Variants in ZHX1 observed in about 807,000 individuals in gnomAD.
ZHX1 encodes the protein zinc fingers and homeoboxes protein 1.
ZHX1 carries 20 observed loss-of-function variants against 61.8 expected under a neutral mutation model. The ratio of observed to expected loss-of-function variants is 0.32; its 90% CI spans 0.23 to 0.47. ZHX1 has a LOEUF of 0.47. Ranked by LOEUF, ZHX1 falls within the 20% of genes least tolerant of loss-of-function variation. The probability of loss-of-function intolerance (pLI) is 1.00; values close to 1 mark genes in which losing one functional copy is unlikely to be tolerated. For missense variants in ZHX1, 800 were observed against 1,034.8 expected, an observed-to-expected ratio of 0.77 and a Z score of 3.11; for synonymous variants, 318 against 352.6, an observed-to-expected ratio of 0.90 and a Z score of 1.10.
chr8:123,268,309 AG>A (rs1826533563), intron 1 of ZHX1, among the ~76,000 whole-genome samples: 1 of 152,220 alleles, frequency 6.6e-6, no homozygotes, highest in Non-Finnish European at 1.5e-5. Context: ...TGCACTGTGA[AG>A]TATTAACATC....
At chr8:123,274,846 T>C (rs563283925), upstream of ZHX1, among the ~76,000 whole-genome samples, 2 of 152,132 alleles carry the variant, frequency 1.3e-5, no homozygotes, top group East Asian at 3.9e-4. Context: ...TGCTGGCTTC[T>C]ACTGAAACGC....
chr8:123,270,579 G>C (rs1431174733), intron 1 of ZHX1, among the ~76,000 whole-genome samples: 1 of 151,656 alleles, frequency 6.6e-6, no homozygotes. Flanking sequence ...CCAGGAGTTT[G>C]AGACCAGCTA....
Position 123,267,281 on chromosome 8 carries a change from G to C in ZHX1, c.-234C>G. On this transcript the variant is annotated 5_prime_UTR_variant, in exon 2 of 4. Coordinates refer to ENST00000395571, the MANE Select transcript of ZHX1 (RefSeq NM_007222.5). ...AACAATGAAACACATACTTGCCACA[G>C]CTTCCTTAGCATTCTGTTCTTTGAA... 2.0e-6 allele frequency: 3 copies of C among 1,531,816 alleles called. No individual in the cohort carries two copies. Among genetic ancestry groups the C allele is most frequent in the Non-Finnish European group, 2.6e-6 (3 of 1,144,050 alleles). The allele number at this position is 1,531,816 out of a possible 1,614,324, so 94.9% of individuals were successfully genotyped here. A position where few individuals can be genotyped will look rare whatever the true frequency, so the allele number is the denominator to read the frequency against.
At chr8:123,257,380 T>C (rs1826103665) in intron 2 of ZHX1, among the ~76,000 whole-genome samples, 1 of 152,180 alleles carries the variant, frequency 6.6e-6, no homozygotes, top group Non-Finnish European at 1.5e-5. Context: ...CTAACCTCAC[T>C]TTCCTTCCTC....
chr8:123,253,340 A>G lies in ZHX1; in HGVS notation c.2607T>C (p.Ser869=), dbSNP rs1459038668. ...EPPRHVKRKL[S]KSDD ...AACTTACATTTCAGTCATCTGATTTAGACAGCTTCCGTTTCACATGTCGTG... is the reference window on the plus strand; with the variant it reads ...AACTTACATTTCAGTCATCTGATTTGGACAGCTTCCGTTTCACATGTCGTG... Residue 869 remains serine, a synonymous_variant, in exon 3 of 4, where the codon TCT becomes TCC. Transcript: ENST00000395571. 1 of 1,608,638 alleles carries G rather than the reference A, an allele frequency of 6.2e-7. No individual in the cohort carries two copies. Among genetic ancestry groups the G allele is most frequent in the Non-Finnish European group, 8.5e-7 (1 of 1,178,714 alleles).
intron 1 of ZHX1, among the ~76,000 whole-genome samples, chr8:123,270,781 G>A (rs1288960709): frequency 6.7e-5 from 9 of 134,736 alleles, no homozygotes; most frequent in South Asian, 2.3e-4. Flanking sequence ...ATGAGACCCC[G>A]TCTCAAAAAA....
At position 123,255,201 on chromosome 8, in the gene ZHX1, G is replaced by A. The variant is rs150942935; in HGVS notation, c.746C>T (p.Thr249Met). Residue 249 changes from threonine to methionine, a missense_variant, in exon 3 of 4, where the codon ACG becomes ATG. Thr to Met is a moderately conservative substitution (Grantham distance 81). Transcript: ENST00000395571. ...VNRIHPSTAS[T>M]VVTPAAVLPG... ...AAGAACTGCTGCTGGTGTCACTACC[G>A]TGCTGGCAGTACTTGGATGTATTCT... 1.3e-4 allele frequency: 209 copies of A among 1,614,134 alleles called. No individual in the cohort carries two copies. The highest frequency in any genetic ancestry group is 4.6e-4 in the South Asian group (42 of 91,082).
At position 123,249,926 on chromosome 8, in the gene ZHX1, G is replaced by A. The variant is rs1160181540; in HGVS notation, c.*398C>T. On this transcript the variant is annotated 3_prime_UTR_variant, in exon 4 of 4. Coordinates refer to ENST00000395571, the MANE Select transcript of ZHX1 (RefSeq NM_007222.5). Reference sequence around the variant, plus strand: ...GTTCTAAGCTTAATCACATCTCAAAGAATAGAGGCAATATATAGCCCATCT... The same window carrying A: ...GTTCTAAGCTTAATCACATCTCAAAAAATAGAGGCAATATATAGCCCATCT... 2 of 134,776 alleles carry A rather than the reference G, an allele frequency of 1.5e-5. No homozygotes were observed. The highest frequency in any genetic ancestry group is 1.5e-5 in the Non-Finnish European group (1 of 65,258). The allele number at this position is 134,776 out of a possible 1,614,324, so 8.3% of individuals were successfully genotyped here.
Position 123,253,757 on chromosome 8 carries a change from A to C in ZHX1, c.2190T>G (p.Asn730Lys). The change falls in exon 3 of 4, where the codon AAT becomes AAG. Residue 730 changes from asparagine to lysine, a missense_variant. Coordinates refer to ENST00000395571, the MANE Select transcript of ZHX1 (RefSeq NM_007222.5). ...LKWYYYYQSA[N>K]SSSMNGLSSL... ...AAGACAGACCATTCATACTACTTGA[A>C]TTGGCGCTCTGATAGTAGTAGTACC... 2 of 1,614,212 alleles carry C rather than the reference A, an allele frequency of 1.2e-6. No homozygotes were observed. The highest frequency in any genetic ancestry group is 1.7e-6 in the Non-Finnish European group (2 of 1,180,034).
In ZHX1 at chr8:123,248,947, T is replaced by G. The variant is rs553402330; in HGVS notation, c.*1377A>C. 6.6e-6 allele frequency: 1 copy of G among 152,530 alleles called. No homozygotes were observed. Among genetic ancestry groups the G allele is most frequent in the Non-Finnish European group, 1.5e-5 (1 of 68,008 alleles). 9.4% of individuals were successfully genotyped at this position (152,530 alleles called of 1,614,324 possible). On this transcript the variant is annotated 3_prime_UTR_variant, in exon 4 of 4. Coordinates refer to ENST00000395571, the MANE Select transcript of ZHX1 (RefSeq NM_007222.5). ...TCAGCTACATTGCAGCATTTTGGAATTACTAATAAAGCTATAGTTAAAAAA... is the reference window on the plus strand; with the variant it reads ...TCAGCTACATTGCAGCATTTTGGAAGTACTAATAAAGCTATAGTTAAAAAA...
Position 123,253,779 on chromosome 8 carries a change from T to C in ZHX1, c.2168A>G (p.Tyr723Cys), listed in dbSNP as rs752495337. 1.9e-6 allele frequency: 3 copies of C among 1,614,232 alleles called. No individual in the cohort carries two copies. Among genetic ancestry groups the C allele is most frequent in the Non-Finnish European group, 2.5e-6 (3 of 1,180,032 alleles). The stretch of plus-strand genomic sequence containing the variant: ...TGAATTGGCGCTCTGATAGTAGTAG[T>C]ACCATTTCAAGTTTCCATTCTTCCA... ...YAWKNGNLKW[Y>C]YYYQSANSSS... Residue 723 changes from tyrosine to cysteine, a missense_variant, in exon 3 of 4, where the codon TAC (tyrosine) becomes TGC (cysteine). Transcript: ENST00000395571.
rs1490860967 is a variant in ZHX1, at chr8:123,254,735, T to C, written c.1212A>G (p.Thr404=). 1 of 1,614,072 alleles carries C rather than the reference T, an allele frequency of 6.2e-7. No individual in the cohort carries two copies. Among genetic ancestry groups the C allele is most frequent in the African/African-American group, 1.3e-5 (1 of 74,934 alleles). Residue 404 remains threonine (T), a synonymous_variant, in exon 3 of 4, where the codon ACA becomes ACG. Transcript: ENST00000395571. This position sits in a 1 kb window ranked among gnomAD's most constrained non-coding sequence, Gnocchi z 4.1. ...PGLVLTQVAG[T]NTLPVTAPIA... is the part of the protein sequence containing the mutation. Reference sequence around the variant, plus strand: ...TAGGTGCTGTAACTGGCAAGGTGTTTGTTCCAGCCACTTGAGTAAGGACCA... The same window carrying C: ...TAGGTGCTGTAACTGGCAAGGTGTTCGTTCCAGCCACTTGAGTAAGGACCA...
intron 2 of ZHX1, among the ~76,000 whole-genome samples, chr8:123,257,581 A>G (rs1241253807): frequency 6.6e-6 from 1 of 152,070 alleles, no homozygotes; most frequent in Non-Finnish European, 1.5e-5. Flanking sequence ...ATTTTTCCAC[A>G]TACCGCGGTG....
At chr8:123,263,219 C>A (rs981248076) in intron 2 of ZHX1, among the ~76,000 whole-genome samples, 1 of 151,754 alleles carries the variant, frequency 6.6e-6, no homozygotes, top group African/African-American at 2.4e-5. Flanking sequence ...CAAACACAAT[C>A]TCCAGGGTGT....
chr8:123,254,669 T>G lies in ZHX1; in HGVS notation c.1278A>C (p.Ile426=). 3 of 1,614,168 alleles carry G rather than the reference T, an allele frequency of 1.9e-6. No homozygotes were observed. Among genetic ancestry groups the G allele is most frequent in the Non-Finnish European group, 2.5e-6 (3 of 1,180,018 alleles). ...GAGCAGCAGGTACCTGACTTTTCTGTATATTATTTTGACTTGGAACGCCTG... is the reference window on the plus strand; with the variant it reads ...GAGCAGCAGGTACCTGACTTTTCTGGATATTATTTTGACTTGGAACGCCTG... ...TVAGVPSQNN[I]QKSQVPAAQP... The change falls in exon 3 of 4, where the codon ATA becomes ATC. Residue 426 remains isoleucine (I), a synonymous_variant. Coordinates refer to ENST00000395571, the MANE Select transcript of ZHX1 (RefSeq NM_007222.5). The surrounding 1 kb of genome is among the most constrained non-coding windows in gnomAD (Gnocchi z 4.1).
rs567147526 is a variant in ZHX1, at chr8:123,263,485, A to G, written c.-226+3788T>C. Among the ~76,000 whole-genome samples the G allele has an allele frequency of 3.9e-5, 6 of 152,268 alleles. No individual in the cohort carries two copies. In the East Asian group the frequency reaches 7.7e-4, roughly 20 times the overall value. On this transcript the variant is annotated intron_variant, in intron 2 of 3. Coordinates refer to ENST00000395571, the MANE Select transcript of ZHX1 (RefSeq NM_007222.5). ...AAGAGTATCTACTTAGCTATCCACT[A>G]TATTCCCAGGGCCCAACAAAATACT...
chr8:123,254,086 T>C lies in ZHX1; in HGVS notation c.1861A>G (p.Lys621Glu), dbSNP rs1037725309. ...TTCTCTTCCTTTAAAGCTTTTGATT[T>C]CTTCTTCTCTGTAAACCAAGCATCG... is the stretch of plus-strand genomic sequence containing the variant. The part of the protein sequence containing the change: ...EIDAWFTEKK[K>E]SKALKEEKME... Residue 621 changes from lysine to glutamate, a missense_variant, in exon 3 of 4, where the codon AAA becomes GAA. Lys to Glu is a moderately conservative substitution (Grantham distance 56). Coordinates refer to ENST00000395571, the MANE Select transcript of ZHX1 (RefSeq NM_007222.5). This position sits in a 1 kb window ranked among gnomAD's most constrained non-coding sequence, Gnocchi z 4.1. The C allele has an allele frequency of 3.1e-6, 5 of 1,614,110 alleles. No individual in the cohort carries two copies. Among genetic ancestry groups the C allele is most frequent in the Admixed American group, 1.7e-5 (1 of 60,014 alleles).
chr8:123,255,080 G>T lies in ZHX1; in HGVS notation c.867C>A (p.Tyr289Ter), dbSNP rs747321018. 1.2e-6 allele frequency: 2 copies of T among 1,614,120 alleles called. No individual in the cohort carries two copies. The highest frequency in any genetic ancestry group is 1.7e-6 in the Non-Finnish European group (2 of 1,179,978). The part of the protein sequence containing the change: ...VLIPVNSIPT[Y>*]NAALDNNPLL... ...GGGGATTGTTATCCAATGCAGCATT[G>T]TAGGTGGGAATGCTATTAACAGGGA... The change falls in exon 3 of 4, where the codon TAC becomes TAA. Residue 289 changes from tyrosine to a stop codon, truncating the protein, a stop_gained. Transcript: ENST00000395571. LOFTEE classifies it high-confidence loss of function.
At chr8:123,265,748 T>A (rs1327698300) in intron 2 of ZHX1, among the ~76,000 whole-genome samples, 1 of 152,016 alleles carries the variant, frequency 6.6e-6, no homozygotes, top group Admixed American at 6.6e-5. Flanking sequence ...TAAAAAATAG[T>A]CTCAAGACAA....
Sources: allele counts gnomAD v4.1 joint callset (sites outside exome capture counted in the v4.1 genomes callset), GRCh38; gene constraint gnomAD v4.1.1; non-coding constraint Gnocchi (gnomAD v3.1); transcripts MANE v1.5; gene names NCBI Gene and HGNC (gene_info 2026-07-23, HGNC 2026-07-21).